Variants in RASA3 observed in about 807,000 individuals in gnomAD.
The protein encoded by RASA3 is RAS p21 protein activator 3, also known as ras GTPase-activating protein 3.
In RASA3, 73 loss-of-function variants were observed where a neutral mutation model predicts 110.0. That is an observed-to-expected ratio of 0.66 (90% confidence interval 0.55 to 0.81). The LOEUF (loss-of-function observed/expected upper bound fraction) is 0.81. Among genes scored for constraint, RASA3 ranks in the 30% least tolerant of loss-of-function variants. RASA3 has a pLI of 0.00. For synonymous variants in RASA3, 500 were observed against 451.4 expected, an observed-to-expected ratio of 1.11 and a Z score of -1.37; for missense variants, 976 against 1,113.2, an observed-to-expected ratio of 0.88 and a Z score of 1.75.
At chr13:114,009,095 C>G (rs543217497) in intron 17 of RASA3, among the ~76,000 whole-genome samples, 175 of 152,342 alleles carry the variant, frequency 1.1e-3, no homozygotes, top group African/African-American at 3.9e-3. Flanking sequence ...ACCACACACA[C>G]TGAGGTGGGA....
At position 113,981,690 on chromosome 13, in the gene RASA3, G is replaced by C. The variant is rs1176083315; in HGVS notation, c.2414C>G (p.Thr805Arg). ...AQYKRDKFKKTKYGSQEHPIG... is the reference protein window; with the variant it reads ...AQYKRDKFKKRKYGSQEHPIG... ...TGGCACTCACTGGCTTCCATATTTCGTCTTCTTGAACTTGTCCCTCTTATA... is the reference window on the plus strand; with the variant it reads ...TGGCACTCACTGGCTTCCATATTTCCTCTTCTTGAACTTGTCCCTCTTATA... Residue 805 changes from threonine (T) to arginine (R), a missense_variant, in exon 23 of 24, where the codon ACG (threonine) becomes AGG (arginine). This residue lies in a region of RASA3 where 132 missense variants were observed against 152.8 expected (regional missense o/e 0.86). Transcript: ENST00000334062. 1 of 1,613,710 alleles carries C rather than the reference G, an allele frequency of 6.2e-7. No homozygotes were observed. The highest frequency in any genetic ancestry group is 8.5e-7 in the Non-Finnish European group (1 of 1,179,882).
At chr13:114,130,938 G>A (rs958621557) in intron 1 of RASA3, among the ~76,000 whole-genome samples, 5 of 152,240 alleles carry the variant, frequency 3.3e-5, no homozygotes, top group African/African-American at 1.2e-4. Context: ...TGACCCCCAC[G>A]GGCCGCGACC....
At chr13:114,128,889 G>A (rs1204814654) in intron 1 of RASA3, among the ~76,000 whole-genome samples, 1 of 152,106 alleles carries the variant, frequency 6.6e-6, no homozygotes, top group Non-Finnish European at 1.5e-5. Flanking sequence ...GGGTCACCGC[G>A]GTGCGAGAGC....
intron 1 of RASA3, among the ~76,000 whole-genome samples, chr13:114,099,122 C>G (rs2079988682): frequency 1.5e-5 from 1 of 64,698 alleles, no homozygotes; most frequent in Non-Finnish European, 3.2e-5. Flanking sequence ...CCCGAGCCCC[C>G]CAGACCACAG....
chr13:114,035,629 T>C (rs9525210), intron 4 of RASA3: 108,093 of 152,740 alleles, frequency 0.71, 39,106 homozygotes, highest in African/African-American at 0.87. Context: ...CACCCACCGG[T>C]TGCCGTGTCC....
intron 21 of RASA3, among the ~76,000 whole-genome samples, chr13:113,996,196 C>T (rs575919186): frequency 6.6e-6 from 1 of 152,240 alleles, no homozygotes; most frequent in East Asian, 1.9e-4. Flanking sequence ...CAGGGAGGGG[C>T]TTGCTCCCAG....
intron 20 of RASA3, among the ~76,000 whole-genome samples, chr13:113,999,311 G>A (rs545602699): frequency 2.6e-5 from 4 of 152,174 alleles, no homozygotes; most frequent in Admixed American, 6.5e-5. Context: ...GGGACCCTGC[G>A]GGGGACGCCA....
chr13:114,043,152 C>T (rs923346066), intron 3 of RASA3, among the ~76,000 whole-genome samples: 3 of 152,220 alleles, frequency 2.0e-5, no homozygotes, highest in East Asian at 1.9e-4. Flanking sequence ...GTCTGAGACA[C>T]GCCCAGCTCA....
At chr13:114,026,549 G>C (rs1287320201) in intron 7 of RASA3, among the ~76,000 whole-genome samples, 3 of 152,138 alleles carry the variant, frequency 2.0e-5, no homozygotes, top group Admixed American at 6.5e-5. Context: ...AGTGCCAGTG[G>C]GTCCTACTCA....
rs1392136883 is a variant in RASA3, at chr13:114,011,033, G to C, written c.1590+138C>G. On this transcript the variant is annotated intron_variant, in intron 16 of 23. Coordinates refer to ENST00000334062, the MANE Select transcript of RASA3 (RefSeq NM_007368.4). This position sits in a 1 kb window ranked among gnomAD's most constrained non-coding sequence, Gnocchi z 4.8. ...GACGCTCAGGTCCTGGGTTTCAAGA[G>C]AGGATGTGGTGCCGGCTTTGATTCT... 6 of 816,526 alleles carry C rather than the reference G, an allele frequency of 7.3e-6. No homozygotes were observed. The highest frequency in any genetic ancestry group is 4.7e-4 in the Middle Eastern group (2 of 4,216). The allele number at this position is 816,526 out of a possible 1,614,324, so 50.6% of individuals were successfully genotyped here.
intron 6 of RASA3, 67 bp from the exon 7 acceptor site, chr13:114,027,528 A>C: frequency 8.0e-7 from 1 of 1,256,378 alleles, no homozygotes; most frequent in Non-Finnish European, 1.2e-6. Flanking sequence ...TCAGTGGTAA[A>C]ACCGAGCTCT....
chr13:114,075,627 G>A (rs1366528032), intron 1 of RASA3, among the ~76,000 whole-genome samples: 1 of 51,378 alleles, frequency 1.9e-5, no homozygotes, highest in Non-Finnish European at 3.1e-5. Flanking sequence ...TCCGCACCGC[G>A]TATCTCTGCG....
chr13:114,005,516 C>T (rs1373842950), intron 18 of RASA3, among the ~76,000 whole-genome samples: 1 of 152,090 alleles, frequency 6.6e-6, no homozygotes. Flanking sequence ...GCTGAAGGCG[C>T]AGGGGCCAGA....
chr13:114,013,912 CTCTCTCTCTCCG>C (rs754245710), intron 14 of RASA3, among the ~76,000 whole-genome samples: 1 of 98,848 alleles, frequency 1.0e-5, no homozygotes, highest in Non-Finnish European at 1.9e-5. Context: ...CTTTCTCTGT[CTCTCTCTCTCCG>C]TCTCTCTCTC....
chr13:114,079,442 C>T (rs906486712), intron 1 of RASA3, among the ~76,000 whole-genome samples: 4 of 152,172 alleles, frequency 2.6e-5, no homozygotes, highest in African/African-American at 4.8e-5. Context: ...GCCTTTTAGT[C>T]GTCCCAACGC....
intron 1 of RASA3, among the ~76,000 whole-genome samples, chr13:114,100,224 T>A (rs1487341457): frequency 1.3e-5 from 2 of 151,832 alleles, no homozygotes; most frequent in South Asian, 2.1e-4. Context: ...CCCGCGGTGC[T>A]GAGGGCGCGC....
Position 114,132,553 on chromosome 13 carries a change from GAGCA to G in RASA3, c.-68_-65del. 1 of 1,250,280 alleles carries G rather than the reference GAGCA, an allele frequency of 8.0e-7. No individual in the cohort carries two copies. The highest frequency in any genetic ancestry group is 1.0e-6 in the Non-Finnish European group (1 of 995,106). The allele number at this position is 1,250,280 out of a possible 1,614,324, so 77.4% of individuals were successfully genotyped here. The stretch of plus-strand genomic sequence containing the variant: ...GCGCCGAGCCCGGGCAGCTCAGGCC[GAGCA>G]GGAGGAGCGGCGGCGCCGGAGCCCC... On this transcript the variant is annotated 5_prime_UTR_variant, in exon 1 of 24. Transcript: ENST00000334062.
intron 1 of RASA3, among the ~76,000 whole-genome samples, chr13:114,123,571 A>C (rs901618758): frequency 6.6e-6 from 1 of 152,222 alleles, no homozygotes; most frequent in Admixed American, 6.5e-5. Context: ...ATGACGTCCA[A>C]AAACCAAGCT....
chr13:114,017,149 G>A, intron 12 of RASA3, 88 bp downstream of exon 12: 2 of 1,209,352 alleles, frequency 1.7e-6, no homozygotes, highest in Non-Finnish European at 2.4e-6. Context: ...CCAGCTCGTG[G>A]TCTGGCTGGA....
Sources: allele counts gnomAD v4.1 joint callset (sites outside exome capture counted in the v4.1 genomes callset), GRCh38; gene constraint gnomAD v4.1.1; regional missense constraint gnomAD v4.1.1; non-coding constraint Gnocchi (gnomAD v3.1); transcripts MANE v1.5; gene names NCBI Gene and HGNC (gene_info 2026-07-23, HGNC 2026-07-21).